Variants in FKBP4 observed in about 807,000 individuals in gnomAD.
FKBP4 encodes the protein peptidyl-prolyl cis-trans isomerase FKBP4.
A neutral mutation model predicts 54.1 loss-of-function variants in FKBP4; 28 were observed. That is an observed-to-expected ratio of 0.52 (90% CI 0.38 to 0.71). FKBP4 has a LOEUF of 0.71. FKBP4 is among the 30% of genes least tolerant of loss of function. The pLI is 0.00. For synonymous variants in FKBP4, 223 were observed against 216.1 expected (o/e 1.03, Z -0.28); for missense variants, 493 against 574.4 (o/e 0.86, Z 1.45).
At chr12:2,801,655 A>T in intron 9 of FKBP4, 1 of 513,492 alleles carries the variant, frequency 1.9e-6, no homozygotes, top group Non-Finnish European at 3.8e-6. Context: ...TTGCAGAGCC[A>T]AAGTGGGAGG....
chr12:2,798,567 C>T lies in FKBP4; in HGVS notation c.394-139C>T. On this transcript the variant is annotated intron_variant, in intron 3 of 9. Transcript: ENST00000001008. The surrounding 1 kb of genome is among the most constrained non-coding windows in gnomAD (Gnocchi z 4.3). Reference sequence around the variant, plus strand: ...TCCCAAGAACTGAAAAAAAGTGCCACTCTACCCAACTCCTTGTGACTGCCC... The same window carrying T: ...TCCCAAGAACTGAAAAAAAGTGCCATTCTACCCAACTCCTTGTGACTGCCC... The T allele has an allele frequency of 7.0e-7, 1 of 1,428,116 alleles. No homozygotes were observed. The highest frequency in any genetic ancestry group is 9.6e-7 in the Non-Finnish European group (1 of 1,044,744). The allele number at this position is 1,428,116 out of a possible 1,614,324, so 88.5% of individuals were successfully genotyped here.
intron 3 of FKBP4, 38 bp downstream of exon 3, chr12:2,797,909 G>C: frequency 6.3e-7 from 1 of 1,591,254 alleles, no homozygotes. Context: ...CTAAGAGCCA[G>C]GCCTTATCTC....
At chr12:2,796,877 C>T in intron 1 of FKBP4, 1 of 1,274,358 alleles carries the variant, frequency 7.8e-7, no homozygotes, top group South Asian at 2.2e-5. Flanking sequence ...AAAAACTTAC[C>T]ATACAGCGGA....
At chr12:2,796,773 TC>T in intron 1 of FKBP4, 8 of 1,067,350 alleles carry the variant, frequency 7.5e-6, no homozygotes, top group Non-Finnish European at 9.1e-6. Flanking sequence ...ATAATAATAA[TC>T]TATTATTCAA....
At chr12:2,799,340 C>T in intron 5 of FKBP4, 96 bp downstream of exon 5, 2 of 1,306,970 alleles carry the variant, frequency 1.5e-6, no homozygotes, top group East Asian at 5.1e-5. Flanking sequence ...TCCTTTTTAA[C>T]TCTGGCCACA....
In FKBP4 at chr12:2,798,888, G is replaced by A; in HGVS notation, c.514+62G>A. On this transcript the variant is annotated intron_variant, in intron 4 of 9. Transcript: ENST00000001008. This position sits in a 1 kb window ranked among gnomAD's most constrained non-coding sequence, Gnocchi z 4.3. ...TGATATTTAGGCCTTGTGTGGCTTT[G>A]GGCAAGACACTTCCGTTCTCCGAGC... is the stretch of plus-strand genomic sequence containing the variant. 6.4e-7 allele frequency: 1 copy of A among 1,569,934 alleles called. No homozygotes were observed. The highest frequency in any genetic ancestry group is 8.8e-7 in the Non-Finnish European group (1 of 1,142,110).
rs762081103 is a variant in FKBP4, at chr12:2,799,108, A to G, written c.535A>G (p.Lys179Glu). 1.3e-6 allele frequency: 2 copies of G among 1,554,198 alleles called. No homozygotes were observed. The highest frequency in any genetic ancestry group is 1.7e-6 in the Non-Finnish European group (2 of 1,154,252). Residue 179 changes from lysine (K) to glutamate (E), a missense_variant, in exon 5 of 10, where the codon AAG (lysine) becomes GAG (glutamate). By Grantham distance (56) the Lys-to-Glu change is moderately conservative. Coordinates refer to ENST00000001008, the MANE Select transcript of FKBP4 (RefSeq NM_002014.4). ...IVEVALEGYY[K>E]DKLFDQRELR... ...GCCAGTTGCACTGGAAGGGTACTAC[A>G]AGGACAAGCTCTTTGACCAGCGGGA...
Position 2,798,526 on chromosome 12 carries a change from T to C in FKBP4, c.394-180T>C, listed in dbSNP as rs2097903087. The stretch of plus-strand genomic sequence containing the variant: ...TGTAGTCTGCCCACCTCTACCAAAG[T>C]TGAGATTAGGGCAGCTCCCAAGAAC... On this transcript the variant is annotated intron_variant, in intron 3 of 9. Coordinates refer to ENST00000001008, the MANE Select transcript of FKBP4 (RefSeq NM_002014.4). This position sits in a 1 kb window ranked among gnomAD's most constrained non-coding sequence, Gnocchi z 4.3. 6.6e-6 allele frequency among the ~76,000 whole-genome samples: 1 copy of C among 152,094 alleles called. No homozygotes were observed. Among genetic ancestry groups the C allele is most frequent in the South Asian group, 2.1e-4 (1 of 4,820 alleles).
At chr12:2,797,319 G>C (rs758980237) in intron 2 of FKBP4, 37 bp downstream of exon 2, 39 of 1,611,462 alleles carry the variant, frequency 2.4e-5, no homozygotes, top group Non-Finnish European at 3.0e-5. Context: ...ATAGGTTCGA[G>C]GTGGACACAA....
intron 3 of FKBP4, 23 bp downstream of exon 3, chr12:2,797,894 C>G: frequency 1.2e-6 from 2 of 1,606,238 alleles, no homozygotes; most frequent in Non-Finnish European, 1.7e-6. Context: ...TCACTGAGAT[C>G]CAGGCTAAGA....
At chr12:2,797,939 C>T in intron 3 of FKBP4, 68 bp downstream of exon 3, 1 of 1,534,264 alleles carries the variant, frequency 6.5e-7, no homozygotes, top group Non-Finnish European at 8.9e-7. Context: ...CCTGGCTGCC[C>T]TCCAGCCCTT....
chr12:2,800,689 C>A, intron 8 of FKBP4, 112 bp downstream of exon 8: 2 of 1,081,704 alleles, frequency 1.8e-6, no homozygotes, highest in Non-Finnish European at 2.6e-6. Flanking sequence ...CAGGGTGGAT[C>A]AGTGGGAGCT....
intron 2 of FKBP4, 76 bp from the exon 3 acceptor site, chr12:2,797,653 T>C (rs2097902645): frequency 6.6e-7 from 1 of 1,518,636 alleles, no homozygotes; most frequent in Non-Finnish European, 8.9e-7. Context: ...TGTGGTGCAG[T>C]AACTCTTCAG....
rs2097906867 is a variant in FKBP4, at chr12:2,805,264, T to C, written c.*2006T>C. ...GTTCCTTTGGCAAGTCCTGGGCTTC[T>C]GTCCTCATCTGCAAAATCGAAAGCA... is the stretch of plus-strand genomic sequence containing the variant. On this transcript the variant is annotated 3_prime_UTR_variant, in exon 10 of 10. Transcript: ENST00000001008. The C allele has an allele frequency of 3.0e-5, 13 of 436,156 alleles. No homozygotes were observed. Among genetic ancestry groups the C allele is most frequent in the South Asian group, 2.1e-4 (13 of 60,802 alleles). The allele number at this position is 436,156 out of a possible 1,614,324, so 27.0% of individuals were successfully genotyped here.
chr12:2,796,387 T>C, intron 1 of FKBP4: 1 of 1,289,086 alleles, frequency 7.8e-7, no homozygotes. Context: ...ATTTCCCCTT[T>C]GATCCATCAT....
rs2097901248 is a variant in FKBP4, at chr12:2,795,594, C to G, written c.105+350C>G. 6.8e-6 allele frequency: 1 copy of G among 146,716 alleles called. No homozygotes were observed. Among genetic ancestry groups the G allele is most frequent in the Non-Finnish European group, 1.5e-5 (1 of 65,976 alleles). The allele number at this position is 146,716 out of a possible 1,614,324, so 9.1% of individuals were successfully genotyped here. The stretch of plus-strand genomic sequence containing the variant: ...GGGGCGAGGCGACCGCCGCGGGCAC[C>G]CGAGCCGCAGCCCGGGGCCAGGCCG... On this transcript the variant is annotated intron_variant, in intron 1 of 9. Coordinates refer to ENST00000001008, the MANE Select transcript of FKBP4 (RefSeq NM_002014.4). The surrounding 1 kb of genome is among the most constrained non-coding windows in gnomAD (Gnocchi z 4.3).
chr12:2,798,859 A>G lies in FKBP4; in HGVS notation c.514+33A>G, dbSNP rs1021220638. ...AGTACAGTCTGGGCTTTCAATTCTC[A>G]TTCTGATATTTAGGCCTTGTGTGGC... On this transcript the variant is annotated intron_variant, in intron 4 of 9. Coordinates refer to ENST00000001008, the MANE Select transcript of FKBP4 (RefSeq NM_002014.4). The surrounding 1 kb of genome is among the most constrained non-coding windows in gnomAD (Gnocchi z 4.3). 3 of 1,605,966 alleles carry G rather than the reference A, an allele frequency of 1.9e-6. No individual in the cohort carries two copies. Among genetic ancestry groups the G allele is most frequent in the South Asian group, 2.2e-5 (2 of 90,946 alleles).
Position 2,798,733 on chromosome 12 carries a change from G to T in FKBP4, c.421G>T (p.Asp141Tyr). 6.2e-7 allele frequency: 1 copy of T among 1,613,948 alleles called. No individual in the cohort carries two copies. The highest frequency in any genetic ancestry group is 8.5e-7 in the Non-Finnish European group (1 of 1,180,004). Reference sequence around the variant, plus strand: ...GGAGTTGTTTGAGTTTAAGGGAGAAGATCTGACGGAAGAGGAAGATGGCGG... The same window carrying T: ...GGAGTTGTTTGAGTTTAAGGGAGAATATCTGACGGAAGAGGAAGATGGCGG... ...EVELFEFKGEDLTEEEDGGII... is the reference protein window; with the variant it reads ...EVELFEFKGEYLTEEEDGGII... The change falls in exon 4 of 10, where the codon GAT (aspartate) becomes TAT (tyrosine). Residue 141 changes from aspartate to tyrosine, a missense_variant. Physicochemically the swap from Asp to Tyr is radical, Grantham distance 160. Coordinates refer to ENST00000001008, the MANE Select transcript of FKBP4 (RefSeq NM_002014.4). The surrounding 1 kb of genome is among the most constrained non-coding windows in gnomAD (Gnocchi z 4.3).
chr12:2,798,784 G>A lies in FKBP4; in HGVS notation c.472G>A (p.Gly158Ser), dbSNP rs763189904. The A allele has an allele frequency of 6.8e-6, 11 of 1,614,078 alleles. No individual in the cohort carries two copies. The highest frequency in any genetic ancestry group is 6.7e-5 in the Admixed American group (4 of 60,014). ...AATCATTCGCAGAATACAGACTCGC[G>A]GTGAAGGCTATGCTAAGCCCAATGA... is the stretch of plus-strand genomic sequence containing the variant. Reference protein sequence around the residue: ...GGIIRRIQTRGEGYAKPNEGA... With the variant: ...GGIIRRIQTRSEGYAKPNEGA... Residue 158 changes from glycine to serine, a missense_variant, in exon 4 of 10, where the codon GGT (glycine) becomes AGT (serine). Coordinates refer to ENST00000001008, the MANE Select transcript of FKBP4 (RefSeq NM_002014.4). This position sits in a 1 kb window ranked among gnomAD's most constrained non-coding sequence, Gnocchi z 4.3.
Sources: gnomAD v4.1 joint callset for allele counts (sites outside exome capture counted in the v4.1 genomes callset) on GRCh38, gnomAD v4.1.1 for gene constraint, Gnocchi (gnomAD v3.1) non-coding constraint, MANE v1.5 for transcripts, NCBI Gene and HGNC (gene_info 2026-07-23, HGNC 2026-07-21) for gene names.